Variants in CELSR2 observed in about 807,000 individuals in gnomAD.
The protein encoded by CELSR2 is cadherin EGF LAG seven-pass G-type receptor 2, also known as EGF-like protein 2.
CELSR2 carries 81 observed loss-of-function variants against 251.6 expected under a neutral mutation model. That is an observed-to-expected ratio of 0.32 (90% CI 0.27 to 0.39). The LOEUF is 0.39. Among genes scored for constraint, CELSR2 ranks in the 10% least tolerant of loss-of-function variants. The pLI, the probability that CELSR2 is intolerant of heterozygous loss-of-function variation, is 1.00. For missense variants in CELSR2, 3,365 were observed against 3,947.7 expected, an observed-to-expected ratio of 0.85 and a Z score of 3.96; for synonymous variants, 1,721 against 1,670.5, an observed-to-expected ratio of 1.03 and a Z score of -0.74.
chr1:109,271,763 G>C (rs1312971076), intron 28 of CELSR2, 41 bp downstream of exon 28: 1 of 1,605,128 alleles, frequency 6.2e-7, no homozygotes, highest in African/African-American at 1.3e-5. Context: ...TGAAGGGAGG[G>C]AGAGGCAGGA....
intron 2 of CELSR2, 102 bp from the exon 3 acceptor site, chr1:109,260,940 G>C: frequency 1.2e-6 from 1 of 833,496 alleles, no homozygotes; most frequent in South Asian, 1.7e-5. Flanking sequence ...AGTATTACGA[G>C]GGTCACGGGA....
chr1:109,259,533 C>G (rs558786122), intron 2 of CELSR2, among the ~76,000 whole-genome samples: 1 of 152,124 alleles, frequency 6.6e-6, no homozygotes, highest in African/African-American at 2.4e-5. Context: ...TTTAAGGGAA[C>G]GCTGAGATTG....
chr1:109,261,196 C>T lies in CELSR2; in HGVS notation c.4113C>T (p.Ser1371=). ...EKPYCQVTTR[S]FPAHSFITFR... is the part of the protein sequence containing the mutation. ...CCTACTGCCAGGTGACCACGCGCAG[C>T]TTCCCCGCCCACTCCTTCATCACCT... Residue 1371 remains serine, a synonymous_variant, in exon 3 of 34, where the codon AGC becomes AGT. Transcript: ENST00000271332. The surrounding 1 kb of genome is among the most constrained non-coding windows in gnomAD (Gnocchi z 4.8). 1 of 1,614,016 alleles carries T rather than the reference C, an allele frequency of 6.2e-7. No individual in the cohort carries two copies. The highest frequency in any genetic ancestry group is 8.5e-7 in the Non-Finnish European group (1 of 1,180,046).
intron 9 of CELSR2, 50 bp from the exon 10 acceptor site, chr1:109,264,026 AAC>A: frequency 6.6e-7 from 1 of 1,524,768 alleles, no homozygotes; most frequent in East Asian, 2.3e-5. Context: ...TGAGCTGGAG[AAC>A]AGTGATTAAG....
intron 29 of CELSR2, 61 bp from the exon 30 acceptor site, chr1:109,272,579 G>A (rs1225098811): frequency 1.3e-6 from 2 of 1,533,430 alleles, no homozygotes; most frequent in African/African-American, 2.8e-5. Flanking sequence ...GGGGAGAGGA[G>A]AGACTGGGAC....
chr1:109,272,420 T>A lies in CELSR2; in HGVS notation c.8054+15T>A, dbSNP rs1373141658. On this transcript the variant is annotated intron_variant, in intron 29 of 33. Transcript: ENST00000271332. ...TTCTTGCTGAGGTGAATCCCGGAGA[T>A]GGGAGGGTGGAGGAGGGGAGGAGGG... The A allele has an allele frequency of 6.3e-7, 1 of 1,599,466 alleles. No individual in the cohort carries two copies. The highest frequency in any genetic ancestry group is 8.5e-7 in the Non-Finnish European group (1 of 1,170,646).
intron 24 of CELSR2, 149 bp downstream of exon 24, chr1:109,270,749 A>T: frequency 8.8e-7 from 1 of 1,135,176 alleles, no homozygotes; most frequent in South Asian, 1.4e-5. Flanking sequence ...TTTAACCCAG[A>T]CTCTGCAGCC....
Position 109,274,581 on chromosome 1 carries a change from G to C in CELSR2, c.*532G>C, listed in dbSNP as rs537365425. The stretch of plus-strand genomic sequence containing the variant: ...GCTTCACACCCTTCAGGCTGCACCC[G>C]GGCAGGCCTCAGAACGGTGAGGGGC... On this transcript the variant is annotated 3_prime_UTR_variant, in exon 34 of 34. Coordinates refer to ENST00000271332, the MANE Select transcript of CELSR2 (RefSeq NM_001408.3). 1.9e-4 allele frequency: 31 copies of C among 161,166 alleles called. No homozygotes were observed. Among genetic ancestry groups the C allele is most frequent in the Non-Finnish European group, 4.1e-4 (30 of 73,670 alleles). The allele number at this position is 161,166 out of a possible 1,614,324, so 10.0% of individuals were successfully genotyped here.
rs559970773 is a variant in CELSR2, at chr1:109,266,904, G to A, written c.6014-644G>A. Among the ~76,000 whole-genome samples, 4 of 150,402 alleles carry A rather than the reference G, an allele frequency of 2.7e-5. No individual in the cohort carries two copies. In the East Asian group the frequency reaches 7.8e-4, roughly 29 times the overall value. ...CCAGCTAATTTTTTATATTTTTTTAGTAGAGACAGGGTTTCACCATGTTGG... is the reference window on the plus strand; with the variant it reads ...CCAGCTAATTTTTTATATTTTTTTAATAGAGACAGGGTTTCACCATGTTGG... On this transcript the variant is annotated intron_variant, in intron 15 of 33. Transcript: ENST00000271332.
Position 109,273,353 on chromosome 1 carries a change from C to T in CELSR2, c.8509+17C>T. 6.2e-7 allele frequency: 1 copy of T among 1,602,146 alleles called. No individual in the cohort carries two copies. Among genetic ancestry groups the T allele is most frequent in the Non-Finnish European group, 8.5e-7 (1 of 1,173,948 alleles). ...CTCACAAAGGTGAGTGGGGCACCCCCAGCTGCCGAGCTCCCCTAGTCAGCA... is the reference window on the plus strand; with the variant it reads ...CTCACAAAGGTGAGTGGGGCACCCCTAGCTGCCGAGCTCCCCTAGTCAGCA... On this transcript the variant is annotated intron_variant, in intron 32 of 33. Coordinates refer to ENST00000271332, the MANE Select transcript of CELSR2 (RefSeq NM_001408.3).
intron 1 of CELSR2, among the ~76,000 whole-genome samples, chr1:109,255,115 C>G (rs1156596723): frequency 6.6e-6 from 1 of 152,232 alleles, no homozygotes; most frequent in South Asian, 2.1e-4. Context: ...CCCGGCAGCT[C>G]TGGCCCCACC....
At position 109,251,495 on chromosome 1, in the gene CELSR2, A is replaced by C; in HGVS notation, c.1416A>C (p.Leu472=). ...ATGAGACGACCAAGGAGTACACCCT[A>C]CGGGTGCGAGCACAGGATGGTGGCC... ...LDYETTKEYT[L]RVRAQDGGRP... is the part of the protein sequence containing the mutation. The change falls in exon 1 of 34, where the codon CTA becomes CTC. Residue 472 remains leucine (L), a synonymous_variant. Coordinates refer to ENST00000271332, the MANE Select transcript of CELSR2 (RefSeq NM_001408.3). The surrounding 1 kb of genome is among the most constrained non-coding windows in gnomAD (Gnocchi z 4.9). 6.2e-7 allele frequency: 1 copy of C among 1,613,710 alleles called. No individual in the cohort carries two copies. The highest frequency in any genetic ancestry group is 8.5e-7 in the Non-Finnish European group (1 of 1,180,006).
chr1:109,263,866 T>G, intron 9 of CELSR2, 89 bp downstream of exon 9: 1 of 1,499,538 alleles, frequency 6.7e-7, no homozygotes, highest in Non-Finnish European at 8.9e-7. Context: ...GGGCAGGTCC[T>G]GGGCAGGGGT....
intron 17 of CELSR2, 115 bp from the exon 18 acceptor site, chr1:109,268,466 C>T: frequency 7.4e-7 from 1 of 1,356,878 alleles, no homozygotes; most frequent in East Asian, 2.5e-5. Flanking sequence ...ACAGTGAGCA[C>T]AGAGGGAGGG....
At chr1:109,271,092 T>C in intron 25 of CELSR2, 53 bp downstream of exon 25, 1 of 1,550,302 alleles carries the variant, frequency 6.5e-7, no homozygotes, top group Admixed American at 1.7e-5. Context: ...TTTGCTGTCC[T>C]CCTGCTGCTG....
At chr1:109,270,287 T>C (rs1570792943) in intron 23 of CELSR2, 139 bp from the exon 24 acceptor site, 2 of 1,266,614 alleles carry the variant, frequency 1.6e-6, no homozygotes, top group Admixed American at 3.7e-5. Context: ...TCCCCCGGGA[T>C]CCCCCAGCAC....
Position 109,249,792 on chromosome 1 carries a change from GGCGCAGGTGGTGAGTGCCCGGA to G in CELSR2, c.-277_-256del, listed in dbSNP as rs2101226202. On this transcript the variant is annotated 5_prime_UTR_variant, in exon 1 of 34. Coordinates refer to ENST00000271332, the MANE Select transcript of CELSR2 (RefSeq NM_001408.3). ...GGCCAGGGGCGCCGCGGGGCCCCCG[GGCGCAGGTGGTGAGTGCCCGGA>G]GCGCAGGTGGAGGCGCGGCGGCAGC... Among the ~76,000 whole-genome samples the G allele has an allele frequency of 6.7e-6, 1 of 150,084 alleles. No individual in the cohort carries two copies. Among genetic ancestry groups the G allele is most frequent in the East Asian group, 2.0e-4 (1 of 5,128 alleles).
chr1:109,250,417 G>T lies in CELSR2; in HGVS notation c.338G>T (p.Ser113Ile). The T allele has an allele frequency of 6.2e-7, 1 of 1,613,652 alleles. No individual in the cohort carries two copies. Among genetic ancestry groups the T allele is most frequent in the South Asian group, 1.1e-5 (1 of 91,084 alleles). Reference sequence around the variant, plus strand: ...CCAGCTCCTGAAGGCTGCCCCTGGAGCTGTCGCCTCCTGGGCATTGGAGGC... The same window carrying T: ...CCAGCTCCTGAAGGCTGCCCCTGGATCTGTCGCCTCCTGGGCATTGGAGGC... Reference protein sequence around the residue: ...LPPAPEGCPWSCRLLGIGGHL... With the variant: ...LPPAPEGCPWICRLLGIGGHL... The change falls in exon 1 of 34, where the codon AGC becomes ATC. Residue 113 changes from serine to isoleucine, a missense_variant. By Grantham distance (142) the Ser-to-Ile change is moderately radical. Transcript: ENST00000271332. This position sits in a 1 kb window ranked among gnomAD's most constrained non-coding sequence, Gnocchi z 4.4.
At position 109,258,982 on chromosome 1, in the gene CELSR2, C is replaced by A. The variant is rs750464024; in HGVS notation, c.3861C>A (p.Thr1287=). Residue 1287 remains threonine (T), a synonymous_variant, in exon 2 of 34, where the codon ACC becomes ACA. Transcript: ENST00000271332. Reference sequence around the variant, plus strand: ...GCTTCACGGGTGACTACTGCGAGACCGAGGTGGACCTCTGCTACTCGCGGC... The same window carrying A: ...GCTTCACGGGTGACTACTGCGAGACAGAGGTGGACCTCTGCTACTCGCGGC... The part of the protein sequence containing the change: ...PPGFTGDYCE[T]EVDLCYSRPC... 6.2e-7 allele frequency: 1 copy of A among 1,609,114 alleles called. No individual in the cohort carries two copies. The highest frequency in any genetic ancestry group is 2.2e-5 in the East Asian group (1 of 44,864).
Sources: gnomAD v4.1 joint callset for allele counts (sites outside exome capture counted in the v4.1 genomes callset) on GRCh38, gnomAD v4.1.1 for gene constraint, Gnocchi (gnomAD v3.1) non-coding constraint, MANE v1.5 for transcripts, NCBI Gene and HGNC (gene_info 2026-07-23, HGNC 2026-07-21) for gene names.